Variants in RPH3A observed in about 807,000 individuals in gnomAD.
RPH3A encodes the protein rabphilin 3A.
A neutral mutation model predicts 102.2 loss-of-function variants in RPH3A; 48 were observed. The observed-to-expected ratio is 0.47, with a 90% CI of 0.37 to 0.60. The LOEUF (loss-of-function observed/expected upper bound fraction) is 0.60. Ranked by LOEUF, RPH3A falls within the 20% of genes least tolerant of loss-of-function variation. The probability of loss-of-function intolerance (pLI) is 0.00; values close to 1 mark genes in which losing one functional copy is unlikely to be tolerated. For synonymous variants in RPH3A, 310 were observed against 324.3 expected (o/e 0.96, Z 0.47); for missense variants, 781 against 910.1 (o/e 0.86, Z 1.83).
intron 1 of RPH3A, among the ~76,000 whole-genome samples, chr12:112,611,854 A>T (rs1257566833): frequency 6.6e-6 from 1 of 152,128 alleles, no homozygotes; most frequent in Non-Finnish European, 1.5e-5. Context: ...AAAAATAATT[A>T]GAGTCCCTTC....
At chr12:112,614,981 G>A (rs899177413) in intron 1 of RPH3A, among the ~76,000 whole-genome samples, 2 of 151,996 alleles carry the variant, frequency 1.3e-5, no homozygotes, top group African/African-American at 4.8e-5. Context: ...AAATAAGCAT[G>A]ACCATGAAAG....
At chr12:112,835,534 G>A (rs2136167286) in intron 3 of RPH3A, among the ~76,000 whole-genome samples, 1 of 152,236 alleles carries the variant, frequency 6.6e-6, no homozygotes, top group East Asian at 1.9e-4. Context: ...CATTCTGAAT[G>A]CATCTGGCTG....
At chr12:112,617,326 G>A (rs142007378) in intron 1 of RPH3A, among the ~76,000 whole-genome samples, 132 of 152,194 alleles carry the variant, frequency 8.7e-4, no homozygotes, top group African/African-American at 3.1e-3. Flanking sequence ...TTAATCCCAG[G>A]CTCCTTGGGG....
At chr12:112,879,039 G>A (rs1565938946) in intron 13 of RPH3A, 80 bp from the exon 14 acceptor site, 3 of 1,248,930 alleles carry the variant, frequency 2.4e-6, no homozygotes, top group Non-Finnish European at 3.5e-6. Context: ...GCCCAGCCTG[G>A]GCATATAGTA....
intron 1 of RPH3A, among the ~76,000 whole-genome samples, chr12:112,760,100 T>A (rs2040845744): frequency 6.6e-6 from 1 of 152,188 alleles, no homozygotes; most frequent in African/African-American, 2.4e-5. Context: ...CCACATTTAA[T>A]AAGATAAAAC....
chr12:112,670,159 A>G (rs2040117513), intron 1 of RPH3A, among the ~76,000 whole-genome samples: 1 of 152,174 alleles, frequency 6.6e-6, no homozygotes, highest in Non-Finnish European at 1.5e-5. Context: ...CACTTATAGG[A>G]AGCCAAAAGC....
Position 112,585,420 on chromosome 12 carries a change from C to G in RPH3A, c.-140+10101C>G, listed in dbSNP as rs544524142. 2.6e-5 allele frequency among the ~76,000 whole-genome samples: 4 copies of G among 152,352 alleles called. No homozygotes were observed. The East Asian group carries it at 7.7e-4, about 29-fold the overall frequency. On this transcript the variant is annotated intron_variant, in intron 1 of 21. Coordinates refer to the RPH3A transcript ENST00000543106. ...GTTGAAAACCTGGATGGCCTCATGA[C>G]TGCACATTGAATCCCGTTTCTTGAA...
intron 1 of RPH3A, among the ~76,000 whole-genome samples, chr12:112,744,191 C>T (rs1232020132): frequency 2.0e-5 from 3 of 152,134 alleles, no homozygotes; most frequent in African/African-American, 2.4e-5. Flanking sequence ...TTCTCATGCC[C>T]CAGCCTCCCG....
In RPH3A at chr12:112,755,298, TACACACACACACAC is replaced by T. The variant is rs58229294; in HGVS notation, c.-139-36817_-139-36804del. On this transcript the variant is annotated intron_variant, in intron 1 of 21. Transcript: ENST00000543106. Reference sequence around the variant, plus strand: ...GTAAAATTGAATATATATATGTATATACACACACACACACACACACACACACACACACACACACA... The same window carrying T: ...GTAAAATTGAATATATATATGTATATACACACACACACACACACACACACA... Among the ~76,000 whole-genome samples the T allele has an allele frequency of 1.3e-3, 189 of 145,880 alleles. 1 individual carries two copies. Among genetic ancestry groups the T allele is most frequent in the African/African-American group, 3.9e-3 (151 of 38,836 alleles).
At chr12:112,654,174 G>C (rs1010134150) in intron 1 of RPH3A, among the ~76,000 whole-genome samples, 1 of 152,124 alleles carries the variant, frequency 6.6e-6, no homozygotes, top group Non-Finnish European at 1.5e-5. Context: ...AACACGTCCT[G>C]GGGGGTTTGC....
chr12:112,886,119 T>G (rs1007589554), intron 16 of RPH3A, among the ~76,000 whole-genome samples: 2 of 152,150 alleles, frequency 1.3e-5, no homozygotes, highest in African/African-American at 4.8e-5. Flanking sequence ...ACTTTGAACA[T>G]TTGTTCAACT....
At chr12:112,679,015 C>T (rs1181318532) in intron 1 of RPH3A, among the ~76,000 whole-genome samples, 1 of 152,174 alleles carries the variant, frequency 6.6e-6, no homozygotes, top group Non-Finnish European at 1.5e-5. Context: ...CATCAGAATG[C>T]CAACTTCATT....
At chr12:112,824,296 G>A (rs575478437) in intron 2 of RPH3A, among the ~76,000 whole-genome samples, 131 of 152,216 alleles carry the variant, frequency 8.6e-4, no homozygotes, top group African/African-American at 3.1e-3. Flanking sequence ...CATTGGCTTT[G>A]TGCTGCTCCC....
chr12:112,829,652 C>A (rs1051248324), intron 3 of RPH3A, among the ~76,000 whole-genome samples: 1 of 152,158 alleles, frequency 6.6e-6, no homozygotes, highest in African/African-American at 2.4e-5. Context: ...ACCACTTTTA[C>A]TATTTTTACC....
intron 1 of RPH3A, among the ~76,000 whole-genome samples, chr12:112,706,964 C>G (rs2040431074): frequency 6.6e-6 from 1 of 152,104 alleles, no homozygotes; most frequent in Non-Finnish European, 1.5e-5. Context: ...TCCGGGGAAG[C>G]CAGAGGATCC....
chr12:112,865,920 G>A (rs73429005), intron 6 of RPH3A, among the ~76,000 whole-genome samples: 8,016 of 152,286 alleles, frequency 0.053, 409 homozygotes, highest in Admixed American at 0.14. Flanking sequence ...TATGTGGAAT[G>A]CTTTCAGTTT....
chr12:112,716,590 C>T (rs913197124), intron 1 of RPH3A, among the ~76,000 whole-genome samples: 1 of 152,204 alleles, frequency 6.6e-6, no homozygotes, highest in African/African-American at 2.4e-5. Context: ...CACAAACGTT[C>T]TGTTAAAGGC....
At chr12:112,894,339 G>A in intron 19 of RPH3A, 1 of 527,922 alleles carries the variant, frequency 1.9e-6, no homozygotes, top group Non-Finnish European at 3.3e-6. Flanking sequence ...TTCTGTTTCT[G>A]TAAACTGAGT....
At chr12:112,876,504 C>T in intron 12 of RPH3A, 138 bp from the exon 13 acceptor site, 1 of 627,114 alleles carries the variant, frequency 1.6e-6, no homozygotes, top group Non-Finnish European at 2.7e-6. Flanking sequence ...TATTGTCAAA[C>T]ACAGATCCCA....
Sources: allele counts gnomAD v4.1 joint callset (sites outside exome capture counted in the v4.1 genomes callset), GRCh38; gene constraint gnomAD v4.1.1; transcripts MANE v1.5; gene names NCBI Gene and HGNC (gene_info 2026-07-23, HGNC 2026-07-21).